The following LTBP1 variants were observed in gnomAD, a reference collection of about 807,000 sequenced individuals.
LTBP1 encodes the protein latent transforming growth factor beta binding protein 1, also known as latent-transforming growth factor beta-binding protein 1.
A neutral mutation model predicts 207.6 loss-of-function variants in LTBP1; 129 were observed. That is an observed-to-expected ratio of 0.62 (90% confidence interval 0.54 to 0.72). The LOEUF is 0.72. Among genes scored for constraint, LTBP1 ranks in the 30% least tolerant of loss-of-function variants. The probability of loss-of-function intolerance (pLI) is 0.00; values close to 1 mark genes in which losing one functional copy is unlikely to be tolerated. For synonymous variants in LTBP1, 963 were observed against 833.7 expected (o/e 1.16, Z -2.67); for missense variants, 2,281 against 2,217.2 (o/e 1.03, Z -0.58).
chr2:33,309,609 G>A lies in LTBP1; in HGVS notation c.3604+53G>A, dbSNP rs2094151100. On this transcript the variant is annotated intron_variant, in intron 23 of 33. Transcript: ENST00000404816. ...ATTATTTACGTAATTCTTCAATTCT[G>A]CCATGTTGCCAGATGATAGTCTGTG... 3.8e-6 allele frequency: 6 copies of A among 1,572,240 alleles called. No homozygotes were observed. The Admixed American group carries it at 9.6e-5, about 25-fold the overall frequency.
At chr2:33,119,594 TCACC>T (rs1558661021) in intron 4 of LTBP1, among the ~76,000 whole-genome samples, 1 of 152,156 alleles carries the variant, frequency 6.6e-6, no homozygotes, top group African/African-American at 2.4e-5. Flanking sequence ...TCTCGCACTG[TCACC>T]CAGGCTGGAG....
chr2:33,372,186 C>T (rs1318905342), intron 31 of LTBP1, among the ~76,000 whole-genome samples: 1 of 152,156 alleles, frequency 6.6e-6, no homozygotes, highest in East Asian at 1.9e-4. Flanking sequence ...GTGGAAGCTT[C>T]AAATCCAGGC....
At chr2:33,270,849 T>C (rs2093305141) in intron 15 of LTBP1, among the ~76,000 whole-genome samples, 1 of 152,204 alleles carries the variant, frequency 6.6e-6, no homozygotes, top group Non-Finnish European at 1.5e-5. Context: ...CACGTCTCTA[T>C]ATACTTATGT....
intron 5 of LTBP1, among the ~76,000 whole-genome samples, chr2:33,154,509 T>C (rs1431181675): frequency 6.6e-6 from 1 of 152,220 alleles, no homozygotes; most frequent in Non-Finnish European, 1.5e-5. Context: ...GCAGTCCTTA[T>C]CAGCACAAAT....
rs368037630 is a variant in LTBP1 at position 33,257,475 on chromosome 2, T to C, written c.2359T>C (p.Ser787Pro). The change falls in exon 12 of 34, where the codon TCC becomes CCC. Residue 787 changes from serine (S) to proline (P), a missense_variant. Physicochemically the swap from Ser to Pro is moderately conservative, Grantham distance 74 (BLOSUM62 -1). Around this residue, in one of 3 missense-constraint regions of LTBP1, gnomAD observed 1,671 missense variants for 1,634.8 expected, o/e 1.02. Coordinates refer to ENST00000404816, the MANE Select transcript of LTBP1 (RefSeq NM_206943.4). The stretch of plus-strand genomic sequence containing the variant: ...AGAGCCAGTGGAGGCCCTGACCTTC[T>C]CCCGGGAACACGGGCCAGGAGTGGC... Reference protein sequence around the residue: ...KEEPVEALTFSREHGPGVAEP... With the variant: ...KEEPVEALTFPREHGPGVAEP... The C allele has an allele frequency of 1.6e-5, 26 of 1,614,116 alleles. No homozygotes were observed. Among genetic ancestry groups the C allele is most frequent in the Non-Finnish European group, 2.2e-5 (26 of 1,179,990 alleles).
rs201295033 is a variant in LTBP1, at chr2:33,394,926, A to T, written c.4835-2207A>T. ...CAAGTGAGAACATGTGGTATTTGGTATTCTGTTCCTGCGTTAGTTTGCTAA... is the reference window on the plus strand; with the variant it reads ...CAAGTGAGAACATGTGGTATTTGGTTTTCTGTTCCTGCGTTAGTTTGCTAA... On this transcript the variant is annotated intron_variant, in intron 32 of 33. Transcript: ENST00000404816. Among the ~76,000 whole-genome samples the T allele has an allele frequency of 2.0e-5, 3 of 152,136 alleles. No homozygotes were observed. The East Asian group carries it at 5.8e-4, about 29-fold the overall frequency.
At chr2:33,380,807 T>C (rs758015847) in intron 31 of LTBP1, among the ~76,000 whole-genome samples, 36 of 152,226 alleles carry the variant, frequency 2.4e-4, no homozygotes, top group Non-Finnish European at 4.6e-4. Flanking sequence ...TAGTGGCATT[T>C]ACTACGTTGA....
chr2:33,113,951 C>T (rs903416647), intron 4 of LTBP1, among the ~76,000 whole-genome samples: 2 of 152,234 alleles, frequency 1.3e-5, no homozygotes, highest in African/African-American at 2.4e-5. Flanking sequence ...AGTGATTCTC[C>T]TGCCTCAGCC....
chr2:33,006,311 A>G (rs2149039001), intron 2 of LTBP1, among the ~76,000 whole-genome samples: 1 of 152,160 alleles, frequency 6.6e-6, no homozygotes, highest in Admixed American at 6.5e-5. Flanking sequence ...CACTCAGATC[A>G]GAGATTATAG....
chr2:33,144,074 A>T (rs2082832761), intron 5 of LTBP1, among the ~76,000 whole-genome samples: 1 of 151,708 alleles, frequency 6.6e-6, no homozygotes, highest in Non-Finnish European at 1.5e-5. Flanking sequence ...CCTTTTCTTA[A>T]TTCTCAAACT....
At chr2:32,992,022 A>G (rs1183451451) in intron 2 of LTBP1, among the ~76,000 whole-genome samples, 1 of 152,228 alleles carries the variant, frequency 6.6e-6, no homozygotes, top group Non-Finnish European at 1.5e-5. Context: ...TTTGTTGCAT[A>G]TAAATTCTGA....
At chr2:33,259,698 T>C (rs1490152200) in intron 13 of LTBP1, 88 bp downstream of exon 13, 3 of 1,244,392 alleles carry the variant, frequency 2.4e-6, no homozygotes, top group Non-Finnish European at 3.4e-6. Context: ...TAGACTTAAA[T>C]ATAGTAACAT....
At chr2:33,128,246 CA>C (rs2081561793) in intron 4 of LTBP1, among the ~76,000 whole-genome samples, 1 of 152,114 alleles carries the variant, frequency 6.6e-6, no homozygotes, top group Admixed American at 6.5e-5. Flanking sequence ...TGAAAGACAA[CA>C]AATGTGGGGA....
chr2:33,295,721 C>A (rs1416209088), intron 20 of LTBP1, among the ~76,000 whole-genome samples: 1 of 151,952 alleles, frequency 6.6e-6, no homozygotes, highest in Admixed American at 6.6e-5. Flanking sequence ...AAAGTATGTT[C>A]TAGCAAAGGG....
intron 11 of LTBP1, among the ~76,000 whole-genome samples, chr2:33,256,625 A>G (rs1445321146): frequency 1.3e-5 from 2 of 150,638 alleles, no homozygotes; most frequent in African/African-American, 2.4e-5. Context: ...TATAATACAT[A>G]TAGTGTCTTC....
At chr2:33,378,252 G>C (rs147064125) in intron 31 of LTBP1, among the ~76,000 whole-genome samples, 18,153 of 150,482 alleles carry the variant, frequency 0.12, 1,219 homozygotes, top group African/African-American at 0.16. Context: ...TGGAGACAGA[G>C]TCTCGCTCTG....
chr2:33,243,817 G>A, intron 10 of LTBP1, 33 bp downstream of exon 10: 1 of 1,612,076 alleles, frequency 6.2e-7, no homozygotes, highest in Middle Eastern at 1.7e-4. Flanking sequence ...TCCTGTTTTG[G>A]ATTAATTGTC....
intron 7 of LTBP1, among the ~76,000 whole-genome samples, chr2:33,199,198 G>C (rs2088920913): frequency 6.6e-6 from 1 of 152,108 alleles, no homozygotes; most frequent in Non-Finnish European, 1.5e-5. Context: ...TTTCCATGTA[G>C]TTGAACGGTT....
rs17012775 is a variant in LTBP1, at chr2:33,295,926, C to T, written c.3235+2644C>T. Among the ~76,000 whole-genome samples, 606 of 152,256 alleles carry T rather than the reference C, an allele frequency of 4.0e-3. 8 individuals are homozygous for T. Among genetic ancestry groups the T allele is most frequent in the African/African-American group, 0.014 (574 of 41,544 alleles). ...GATTTGATGCCTTGCTCCAATAATA[C>T]AACAGAGCAACAGTGGATCTTGGCC... On this transcript the variant is annotated intron_variant, in intron 20 of 33. Transcript: ENST00000404816.
Sources: gnomAD v4.1 joint callset for allele counts (sites outside exome capture counted in the v4.1 genomes callset) on GRCh38, gnomAD v4.1.1 for gene constraint, gnomAD v4.1.1 regional missense constraint, MANE v1.5 for transcripts, NCBI Gene and HGNC (gene_info 2026-07-23, HGNC 2026-07-21) for gene names.